Variants in MYH16 observed in about 807,000 individuals in gnomAD.
The protein encoded by MYH16 is putative uncharacterized protein MYH16.
At chr7:99,263,824 T>C (rs1207233353) in intron 14 of MYH16, among the ~76,000 whole-genome samples, 1 of 152,182 alleles carries the variant, frequency 6.6e-6, no homozygotes, top group Non-Finnish European at 1.5e-5. Flanking sequence ...CTGCCTCTCT[T>C]CCAATAGAGG....
At chr7:99,294,725 C>T (rs1792456112) in intron 33 of MYH16, among the ~76,000 whole-genome samples, 2 of 151,752 alleles carry the variant, frequency 1.3e-5, no homozygotes, top group South Asian at 4.2e-4. Flanking sequence ...CCACCACGCC[C>T]AGCTAATTTT....
At chr7:99,304,927 C>T (rs983366667) in intron 40 of MYH16, among the ~76,000 whole-genome samples, 171 bp downstream of exon 21, 5 of 152,232 alleles carry the variant, frequency 3.3e-5, no homozygotes, top group East Asian at 1.9e-4. Context: ...GGCTCACGCC[C>T]GTAATCCTAA....
chr7:99,302,896 G>GA lies in MYH16; in HGVS notation n.5138-159dup, dbSNP rs370294941. On this transcript the variant is annotated intron_variant and non_coding_transcript_variant, in intron 38 of 41. Coordinates refer to ENST00000439784, the Ensembl canonical transcript of MYH16. ...AGATCCTGCCTAAAAAAAAAAAAAA[G>GA]AAAAAAAAAAGAATGCAGGAGAGGG... 1.4e-3 allele frequency among the ~76,000 whole-genome samples: 206 copies of GA among 144,778 alleles called. 4 individuals are homozygous for GA. The highest frequency in any genetic ancestry group is 7.3e-3 in the South Asian group (33 of 4,522). The allele number at this position is 144,778 out of a possible 152,430, so 95.0% of individuals were successfully genotyped here.
intron 23 of MYH16, among the ~76,000 whole-genome samples, 191 bp from the exon 6 acceptor site, chr7:99,283,374 G>C (rs6961579): frequency 0.11 from 17,102 of 152,170 alleles, 1,445 homozygotes; most frequent in African/African-American, 0.24. Context: ...CTCCCTGATG[G>C]GTGGCTCTGG....
chr7:99,291,617 A>ACCCCCCCCCCCCCCCCCCCCCCCCCC (rs34446113), intron 31 of MYH16, among the ~76,000 whole-genome samples, 167 bp downstream of exon 12: 6 of 105,952 alleles, frequency 5.7e-5, no homozygotes, highest in Admixed American at 1.1e-4. Flanking sequence ...ACACAGCAAG[A>ACCCCCCCCCCCCCCCCCCCCCCCCCC]CCCCCCCCCA....
intron 1 of MYH16, among the ~76,000 whole-genome samples, chr7:99,240,055 T>C (rs1791648494): frequency 6.6e-6 from 1 of 151,848 alleles, no homozygotes; most frequent in African/African-American, 2.4e-5. Context: ...TTAGAATTTT[T>C]TTAATTTGGT....
At chr7:99,310,825 C>A, downstream of MYH16, 1 of 152,018 alleles carries the variant, frequency 6.6e-6, no homozygotes, top group Non-Finnish European at 1.5e-5. Flanking sequence ...GTTTACTATG[C>A]AAAAGAAAGT....
chr7:99,300,921 G>A (rs1192994860), intron 37 of MYH16, among the ~76,000 whole-genome samples: 1 of 152,038 alleles, frequency 6.6e-6, no homozygotes, highest in Non-Finnish European at 1.5e-5. Flanking sequence ...CAGGCCAGGC[G>A]CAGTAGCTCA....
intron 38 of MYH16, among the ~76,000 whole-genome samples, chr7:99,302,060 T>C (rs1249351244): frequency 1.3e-5 from 2 of 151,404 alleles, no homozygotes; most frequent in African/African-American, 4.9e-5. Flanking sequence ...TCCCAGCACT[T>C]TGGAAGGCTG....
At chr7:99,305,217 G>C (rs1792663630) in intron 40 of MYH16, among the ~76,000 whole-genome samples, 1 of 151,630 alleles carries the variant, frequency 6.6e-6, no homozygotes, top group Non-Finnish European at 1.5e-5. Context: ...AGGAAAGAAA[G>C]AAAGAAGGAA....
At chr7:99,245,037 G>C (rs529157287) in intron 2 of MYH16, among the ~76,000 whole-genome samples, 112 of 152,316 alleles carry the variant, frequency 7.4e-4, no homozygotes, top group South Asian at 3.3e-3. Context: ...GATCCCAGCT[G>C]CTTCTCTCTC....
intron 1 of MYH16, among the ~76,000 whole-genome samples, chr7:99,240,689 A>G (rs1242305409): frequency 6.6e-6 from 1 of 152,068 alleles, no homozygotes; most frequent in East Asian, 1.9e-4. Flanking sequence ...CGTTTCTACA[A>G]AAAATTAGCC....
chr7:99,239,680 AC>A (rs1791641041), intron 1 of MYH16, among the ~76,000 whole-genome samples: 1 of 152,200 alleles, frequency 6.6e-6, no homozygotes, highest in African/African-American at 2.4e-5. Context: ...AGACCCCAAC[AC>A]TAAACAATGA....
intron 12 of MYH16, chr7:99,260,618 A>G: frequency 4.2e-6 from 1 of 239,378 alleles, no homozygotes; most frequent in Non-Finnish European, 8.4e-6. Flanking sequence ...GGGAACATTG[A>G]GGCACAGAGA....
At chr7:99,309,811 T>C (rs933330975), downstream of MYH16, among the ~76,000 whole-genome samples, 6 of 152,364 alleles carry the variant, frequency 3.9e-5, no homozygotes, top group East Asian at 7.7e-4. Context: ...CCAGAGGTGA[T>C]GAGGCTGTGC....
chr7:99,304,215 G>A (rs1792648362), intron 39 of MYH16, among the ~76,000 whole-genome samples: 1 of 152,234 alleles, frequency 6.6e-6, no homozygotes, highest in African/African-American at 2.4e-5. Context: ...GAGGGGATAA[G>A]CAACATGCTG....
chr7:99,272,722 G>A (rs775970746), intron 19 of MYH16, among the ~76,000 whole-genome samples, 117 bp from the exon 1 acceptor site: 1 of 151,996 alleles, frequency 6.6e-6, no homozygotes, highest in Non-Finnish European at 1.5e-5. Context: ...ACTCTAGCCT[G>A]GGCAACAGAG....
intron 3 of MYH16, chr7:99,248,878 G>A (rs79207221): frequency 0.036 from 5,455 of 152,750 alleles, 145 homozygotes; most frequent in South Asian, 0.11. Flanking sequence ...CCAAGGCCAC[G>A]ATCTAAGCCG....
chr7:99,296,936 G>A lies in MYH16; in HGVS notation n.4499+19G>A, dbSNP rs943489389. 2.2e-6 allele frequency: 1 copy of A among 455,930 alleles called. No individual in the cohort carries two copies. The highest frequency in any genetic ancestry group is 2.0e-5 in the African/African-American group (1 of 50,010). The allele number at this position is 455,930 out of a possible 1,614,324, so 28.2% of individuals were successfully genotyped here. On this transcript the variant is annotated intron_variant and non_coding_transcript_variant, in intron 34 of 41. Transcript: ENST00000439784. ...CTGCAGGGTGAGTCTGAGGGCAGGT[G>A]GATGGGATGGGCCTGTAGGGAGGGG...
Sources: allele counts gnomAD v4.1 joint callset (sites outside exome capture counted in the v4.1 genomes callset), GRCh38; gene constraint gnomAD v4.1.1; transcripts MANE v1.5; gene names NCBI Gene and HGNC (gene_info 2026-07-23, HGNC 2026-07-21).